NDE1: variants seen among roughly 807,000 people sequenced by gnomAD.
The protein encoded by NDE1 is nuclear distribution protein nudE homolog 1.
NDE1 carries 28 observed loss-of-function variants against 43.4 expected under a neutral mutation model. The ratio of observed to expected loss-of-function variants is 0.65; its 90% CI spans 0.48 to 0.89. NDE1 has a LOEUF of 0.89. Ranked by LOEUF, NDE1 falls within the 40% of genes least tolerant of loss-of-function variation. NDE1 has a pLI of 0.00. For synonymous variants in NDE1, 184 were observed against 172.0 expected (o/e 1.07, Z -0.55); for missense variants, 441 against 434.1 (o/e 1.02, Z -0.14).
chr16:15,694,131 G>A (rs1334412033), intron 6 of NDE1, 34 bp from the exon 7 acceptor site: 76 of 1,610,076 alleles, frequency 4.7e-5, no homozygotes, highest in Non-Finnish European at 6.4e-5. Context: ...ACTATAGGTT[G>A]GTGAGTTACA....
At position 15,724,434 on chromosome 16, in the gene NDE1, G is replaced by T; in HGVS notation, c.*183G>T. 1.2e-6 allele frequency: 2 copies of T among 1,613,074 alleles called. No individual in the cohort carries two copies. The highest frequency in any genetic ancestry group is 1.8e-4 in the Middle Eastern group (1 of 5,522). On this transcript the variant is annotated 3_prime_UTR_variant, in exon 9 of 9. Transcript: ENST00000396354. ...GCTACAAGGACAGCGTCCAGGGTAG[G>T]GTGAGAGGGGGACCATGAGTGGCCC... is the stretch of plus-strand genomic sequence containing the variant.
At position 15,668,171 on chromosome 16, in the gene NDE1, G is replaced by A. The variant is rs528374648; in HGVS notation, c.237+732G>A. Among the ~76,000 whole-genome samples, 11 of 152,096 alleles carry A rather than the reference G, an allele frequency of 7.2e-5. No homozygotes were observed. In the South Asian group the frequency reaches 2.3e-3, roughly 32 times the overall value. On this transcript the variant is annotated intron_variant, in intron 3 of 8. Coordinates refer to ENST00000396354, the MANE Select transcript of NDE1 (RefSeq NM_017668.3). ...GAGGTCAAGAGATTGAGACCATCCT[G>A]GCCAACATGATGAAACCCTGTCTCT... is the stretch of plus-strand genomic sequence containing the variant.
chr16:15,664,657 GTT>G (rs372702195), intron 1 of NDE1, 77 bp from the exon 2 acceptor site: 2,022 of 715,440 alleles, frequency 2.8e-3, no homozygotes, highest in Admixed American at 3.5e-3. Context: ...GCCTGGCCAA[GTT>G]TTTTTTTTTT....
In NDE1 at chr16:15,688,689, C is replaced by CTT. The variant is rs1194565114; in HGVS notation, c.523+1204_523+1205dup. On this transcript the variant is annotated intron_variant, in intron 5 of 8. Transcript: ENST00000396354. The stretch of plus-strand genomic sequence containing the variant: ...AGTGGATTGTCCAAGTTGTTTTTAC[C>CTT]TTTTTTTTTTTTTTTTTTTTTTTTT... Among the ~76,000 whole-genome samples the CTT allele has an allele frequency of 6.7e-3, 402 of 59,924 alleles. 75 individuals carry two copies. Among genetic ancestry groups the CTT allele is most frequent in the African/African-American group, 8.4e-3 (124 of 14,718 alleles). 39.3% of individuals were successfully genotyped at this position (59,924 alleles called of 152,430 possible).
intron 8 of NDE1, among the ~76,000 whole-genome samples, chr16:15,702,384 G>T (rs1333183313): frequency 1.3e-5 from 2 of 152,094 alleles, no homozygotes; most frequent in African/African-American, 4.8e-5. Context: ...ATACTATCTG[G>T]CTGGGTGGGT....
At position 15,697,321 on chromosome 16, in the gene NDE1, G is replaced by A. The variant is rs149387665; in HGVS notation, c.947+461G>A. Among the ~76,000 whole-genome samples the A allele has an allele frequency of 7.4e-3, 1,126 of 152,266 alleles. 14 individuals carry two copies. Among genetic ancestry groups the A allele is most frequent in the African/African-American group, 0.026 (1,096 of 41,542 alleles). On this transcript the variant is annotated intron_variant, in intron 8 of 8. Coordinates refer to ENST00000396354, the MANE Select transcript of NDE1 (RefSeq NM_017668.3). The stretch of plus-strand genomic sequence containing the variant: ...TCCTCCCAAAGTGCTGCGACGACAG[G>A]TGTGGGCTACCATGCCTGGCCAAGA...
chr16:15,667,218 C>G, intron 2 of NDE1, 68 bp from the exon 3 acceptor site: 1 of 1,566,300 alleles, frequency 6.4e-7, no homozygotes, highest in Admixed American at 1.7e-5. Context: ...TGCATTGCAG[C>G]CTGGGTGATA....
At chr16:15,664,431 A>G (rs1163941596) in intron 1 of NDE1, among the ~76,000 whole-genome samples, 1 of 151,994 alleles carries the variant, frequency 6.6e-6, no homozygotes, top group Non-Finnish European at 1.5e-5. Flanking sequence ...ATCTCGGCTC[A>G]CTGCAAGCTC....
intron 8 of NDE1, chr16:15,718,159 A>C: frequency 8.5e-7 from 1 of 1,170,634 alleles, no homozygotes; most frequent in Non-Finnish European, 1.2e-6. Context: ...CACTGGTGTA[A>C]GGGCCCTGGA....
At chr16:15,680,715 T>C (rs979790873) in intron 4 of NDE1, among the ~76,000 whole-genome samples, 5 of 152,084 alleles carry the variant, frequency 3.3e-5, no homozygotes, top group Non-Finnish European at 7.3e-5. Context: ...AATTTTTGTA[T>C]TTTTAGCAGA....
intron 8 of NDE1, chr16:15,718,906 T>C (rs964931920): frequency 7.1e-6 from 3 of 423,432 alleles, no homozygotes; most frequent in Middle Eastern, 7.4e-4. Context: ...GGTAGGAGGA[T>C]CACCTAAGGT....
intron 4 of NDE1, among the ~76,000 whole-genome samples, chr16:15,682,751 G>A (rs1441515275): frequency 6.6e-6 from 1 of 152,112 alleles, no homozygotes; most frequent in African/African-American, 2.4e-5. Context: ...TTGAGACAGA[G>A]TCTTGCTCTG....
upstream of NDE1, among the ~76,000 whole-genome samples, chr16:15,647,328 T>C (rs2036350518): frequency 6.6e-6 from 1 of 152,200 alleles, no homozygotes; most frequent in South Asian, 2.1e-4. Flanking sequence ...GCCTCTAGCA[T>C]AGTGCTGAAG....
intron 8 of NDE1, chr16:15,717,630 A>G (rs956118299): frequency 3.7e-6 from 2 of 543,294 alleles, no homozygotes; most frequent in Admixed American, 6.4e-5. Context: ...CCCCGTCTCT[A>G]TTAAAAATAC....
chr16:15,667,258 T>G, intron 2 of NDE1, 28 bp from the exon 3 acceptor site: 1 of 1,613,384 alleles, frequency 6.2e-7, no homozygotes, highest in Non-Finnish European at 8.5e-7. Flanking sequence ...AAAATATTAC[T>G]ACGTGATGAT....
chr16:15,707,742 C>T (rs576962788), intron 8 of NDE1, among the ~76,000 whole-genome samples: 10 of 152,190 alleles, frequency 6.6e-5, no homozygotes, highest in South Asian at 2.1e-4. Context: ...GAGGCCAAGG[C>T]GCGCGGATCA....
intron 8 of NDE1, chr16:15,717,224 G>GC (rs1449896787): frequency 1.9e-6 from 3 of 1,614,160 alleles, no homozygotes; most frequent in South Asian, 1.1e-5. Context: ...GGACTTGACG[G>GC]CCCCCTCCAT....
intron 3 of NDE1, among the ~76,000 whole-genome samples, chr16:15,673,453 C>T (rs1201761025): frequency 6.6e-6 from 1 of 152,046 alleles, no homozygotes; most frequent in African/African-American, 2.4e-5. Context: ...GATCTGCCCG[C>T]CTTGGCCTCC....
At chr16:15,686,940 A>G (rs2038467795) in intron 4 of NDE1, 29 of 978,666 alleles carry the variant, frequency 3.0e-5, no homozygotes, top group Non-Finnish European at 3.3e-5. Context: ...CAGGTCTTCC[A>G]CCTGCCTCGG....
Sources: allele counts gnomAD v4.1 joint callset (sites outside exome capture counted in the v4.1 genomes callset), GRCh38; gene constraint gnomAD v4.1.1; transcripts MANE v1.5; gene names NCBI Gene and HGNC (gene_info 2026-07-23, HGNC 2026-07-21).